Variants in IQSEC2 observed in about 807,000 individuals in gnomAD.
IQSEC2 encodes the protein IQ motif and SEC7 domain-containing protein 2.
IQSEC2 carries 6 observed loss-of-function variants against 74.6 expected under a neutral mutation model. That is an observed-to-expected ratio of 0.08 (90% CI 0.04 to 0.16). The LOEUF is 0.16. Ranked by LOEUF, IQSEC2 falls within the 10% of genes least tolerant of loss-of-function variation. The pLI is 1.00. For synonymous variants in IQSEC2, 494 were observed against 544.5 expected, an observed-to-expected ratio of 0.91 and a Z score of 1.29; for missense variants, 734 against 1,306.2, an observed-to-expected ratio of 0.56 and a Z score of 6.75.
At chrX:53,281,698 G>A in intron 2 of IQSEC2, 1 of 493,920 alleles carries the variant, frequency 2.0e-6, no homozygotes, top group East Asian at 4.2e-5. Flanking sequence ...ACTCCTCCAG[G>A]AGGGCTGGGA....
intron 9 of IQSEC2, among the ~76,000 whole-genome samples, chrX:53,242,797 A>T (rs1163941222): frequency 9.1e-6 from 1 of 110,284 alleles, no homozygotes; most frequent in African/African-American, 3.3e-5. Flanking sequence ...GTGCGTTGGC[A>T]CGATCTCAGC....
chrX:53,279,931 G>GAGGAAGGAAGGA (rs3842484), intron 2 of IQSEC2, among the ~76,000 whole-genome samples: 6 of 32,944 alleles, frequency 1.8e-4, no homozygotes, highest in South Asian at 3.3e-3. Context: ...GGGAGGGAGG[G>GAGGAAGGAAGGA]AGGAAGGAAG....
At position 53,291,879 on chromosome X, in the gene IQSEC2, G is replaced by C. The variant is rs1556873114; in HGVS notation, c.737+16C>G. The C allele has an allele frequency of 3.4e-6, 4 of 1,160,333 alleles. No homozygotes were observed. The highest frequency in any genetic ancestry group is 4.6e-6 in the Non-Finnish European group (4 of 867,131). On this transcript the variant is annotated intron_variant, in intron 2 of 14. Coordinates refer to ENST00000642864, the MANE Select transcript of IQSEC2 (RefSeq NM_001111125.3). Reference sequence around the variant, plus strand: ...GCCCCATCTCCCAACTAGTACTAAAGAAAGGAGGTACTGACCTGACTGTTC... The same window carrying C: ...GCCCCATCTCCCAACTAGTACTAAACAAAGGAGGTACTGACCTGACTGTTC...
At chrX:53,238,698 G>A (rs1447593405) in intron 11 of IQSEC2, among the ~76,000 whole-genome samples, 1 of 108,214 alleles carries the variant, frequency 9.2e-6, no homozygotes, top group Non-Finnish European at 1.9e-5. Flanking sequence ...TTTTTCTACT[G>A]TCTAACTCTG....
rs2074999255 is a variant in IQSEC2, at chrX:53,283,794, T to C, written c.737+8101A>G. Among the ~76,000 whole-genome samples, 5 of 112,110 alleles carry C rather than the reference T, an allele frequency of 4.5e-5. No individual in the cohort carries two copies. In the South Asian group the frequency reaches 1.9e-3, roughly 42 times the overall value. ...CTGTCCCCGGTGCTGGATACAGCAG[T>C]GACTACAGGTAGACAATGTCCTGCT... On this transcript the variant is annotated intron_variant, in intron 2 of 14. Coordinates refer to ENST00000642864, the MANE Select transcript of IQSEC2 (RefSeq NM_001111125.3).
At position 53,233,720 on chromosome X, in the gene IQSEC2, T is replaced by C. The variant is rs1434279871; in HGVS notation, c.*499A>G. 2 of 291,378 alleles carry C rather than the reference T, an allele frequency of 6.9e-6. No homozygotes were observed. Among genetic ancestry groups the C allele is most frequent in the African/African-American group, 5.5e-5 (2 of 36,197 alleles). 24.0% of individuals were successfully genotyped at this position (291,378 alleles called of 1,213,427 possible). A position where few individuals can be genotyped will look rare whatever the true frequency, so the allele number is the denominator to read the frequency against. On this transcript the variant is annotated 3_prime_UTR_variant, in exon 15 of 15. Coordinates refer to ENST00000642864, the MANE Select transcript of IQSEC2 (RefSeq NM_001111125.3). ...GGAAGTGTGTGGCCAGGCCCTGAGGTCAGAGAGAGGGCCAAGCCAGCTGAA... is the reference window on the plus strand; with the variant it reads ...GGAAGTGTGTGGCCAGGCCCTGAGGCCAGAGAGAGGGCCAAGCCAGCTGAA...
intron 2 of IQSEC2, among the ~76,000 whole-genome samples, chrX:53,289,986 G>C (rs2075079496): frequency 8.9e-6 from 1 of 111,922 alleles, no homozygotes; most frequent in Non-Finnish European, 1.9e-5. Context: ...AATGGTGATT[G>C]CTATAATTGC....
Position 53,256,031 on chromosome X carries a change from C to T in IQSEC2, c.768G>A (p.Leu256=). 1 of 1,179,931 alleles carries T rather than the reference C, an allele frequency of 8.5e-7. No individual in the cohort carries two copies. The highest frequency in any genetic ancestry group is 1.1e-6 in the Non-Finnish European group (1 of 878,731). Residue 256 remains leucine, a synonymous_variant, in exon 3 of 15, where the codon CTG becomes CTA. Coordinates refer to ENST00000642864, the MANE Select transcript of IQSEC2 (RefSeq NM_001111125.3). ...SVEGDAPGSD[L]STAVDSPGSQ... is the part of the protein sequence containing the mutation. ...TCCCAGGACTATCAACCGCTGTGCT[C>T]AGGTCACTGCCTGGGGCATCACCCT...
chrX:53,290,003 T>TAGGATG (rs2075079746), intron 2 of IQSEC2, among the ~76,000 whole-genome samples: 1 of 111,837 alleles, frequency 8.9e-6, no homozygotes, highest in Non-Finnish European at 1.9e-5. Flanking sequence ...TTGCTAATAT[T>TAGGATG]AGGATGAGGA....
intron 7 of IQSEC2, among the ~76,000 whole-genome samples, chrX:53,247,368 C>T (rs1381794654): frequency 8.9e-6 from 1 of 112,362 alleles, no homozygotes; most frequent in Non-Finnish European, 1.9e-5. Flanking sequence ...CTATCATAAT[C>T]CTGCAAGGTA....
chrX:53,316,978 C>T (rs1264741414), intron 1 of IQSEC2, among the ~76,000 whole-genome samples: 1 of 110,920 alleles, frequency 9.0e-6, no homozygotes, highest in Non-Finnish European at 1.9e-5. Flanking sequence ...AGCCCACCAC[C>T]GCCTACAGCA....
chrX:53,281,406 G>T, intron 2 of IQSEC2: 1 of 503,588 alleles, frequency 2.0e-6, no homozygotes, highest in Non-Finnish European at 3.3e-6. Context: ...GAACCAGGAA[G>T]CCAGGAGGCT....
At chrX:53,293,570 C>G (rs2075123000) in intron 1 of IQSEC2, among the ~76,000 whole-genome samples, 1 of 112,190 alleles carries the variant, frequency 8.9e-6, no homozygotes, top group South Asian at 3.6e-4. Context: ...ACTTCAATGA[C>G]TCCCCAGATG....
At position 53,321,097 on chromosome X, in the gene IQSEC2, G is replaced by T. The variant is rs1556880343; in HGVS notation, c.27C>A (p.Gly9=). 8.7e-7 allele frequency: 1 copy of T among 1,149,286 alleles called. No homozygotes were observed. Among genetic ancestry groups the T allele is most frequent in the Non-Finnish European group, 1.2e-6 (1 of 867,833 alleles). 94.7% of individuals were successfully genotyped at this position (1,149,286 alleles called of 1,213,427 possible). A position where few individuals can be genotyped will look rare whatever the true frequency, so the allele number is the denominator to read the frequency against. ...GATTTGGGCTCTCGGATCCCGGGCC[G>T]CCCGGGGGCCCCGACCCCGCCTCCA... MEAGSGPP[G]GPGSESPNRA... is the part of the protein sequence containing the mutation. The change falls in exon 1 of 15, where the codon GGC becomes GGA. Residue 9 remains glycine, a synonymous_variant. Coordinates refer to ENST00000642864, the MANE Select transcript of IQSEC2 (RefSeq NM_001111125.3).
chrX:53,252,016 C>T (rs1308833249), intron 4 of IQSEC2, among the ~76,000 whole-genome samples: 5 of 112,709 alleles, frequency 4.4e-5, no homozygotes, highest in South Asian at 7.3e-4. Context: ...GCTATGATCA[C>T]GCCACTACAC....
downstream of IQSEC2, among the ~76,000 whole-genome samples, chrX:53,228,304 C>T (rs1450790237): frequency 2.7e-5 from 3 of 111,926 alleles, no homozygotes; most frequent in African/African-American, 9.8e-5. Context: ...TGTCTGACTG[C>T]CGTACAATTC....
At chrX:53,277,918 A>G (rs1191430934) in intron 2 of IQSEC2, among the ~76,000 whole-genome samples, 2 of 103,674 alleles carry the variant, frequency 1.9e-5, no homozygotes, top group Non-Finnish European at 3.9e-5. Flanking sequence ...TGATCCACCC[A>G]CCTTGGCCTC....
chrX:53,239,001 C>T (rs2074177529), intron 11 of IQSEC2, among the ~76,000 whole-genome samples, 194 bp downstream of exon 11: 1 of 111,327 alleles, frequency 9.0e-6, no homozygotes. Flanking sequence ...TCTGCAAGAC[C>T]ATGAGCTAAC....
At position 53,320,896 on chromosome X, in the gene IQSEC2, G is replaced by A; in HGVS notation, c.228C>T (p.Pro76=). ...GGCCCGGGCTATCCCGCGCGCCGTG[G>A]GGGTCCCGGTGCAGCTCCCCGCGGT... is the stretch of plus-strand genomic sequence containing the variant. ...QLHRGELHRD[P]HGARDSPGRE... Residue 76 remains proline, a synonymous_variant, in exon 1 of 15, where the codon CCC becomes CCT. Coordinates refer to ENST00000642864, the MANE Select transcript of IQSEC2 (RefSeq NM_001111125.3). 8.6e-7 allele frequency: 1 copy of A among 1,164,688 alleles called. No homozygotes were observed. The highest frequency in any genetic ancestry group is 1.9e-5 in the South Asian group (1 of 52,585).
Sources: gnomAD v4.1 joint callset for allele counts (sites outside exome capture counted in the v4.1 genomes callset) on GRCh38, gnomAD v4.1.1 for gene constraint, MANE v1.5 for transcripts, NCBI Gene and HGNC (gene_info 2026-07-23, HGNC 2026-07-21) for gene names.